The following ABTB3 variants were observed in gnomAD, a reference collection of about 807,000 sequenced individuals.
The protein encoded by ABTB3 is ankyrin repeat- and BTB/POZ domain-containing protein 3.
the ABTB3 span, among the ~76,000 whole-genome samples, chr12:107,380,189 C>G: frequency 6.6e-6 from 1 of 152,168 alleles, no homozygotes; most frequent in Non-Finnish European, 1.5e-5. Flanking sequence ...GAATGGGTGT[C>G]ACTGGCCTGC....
the ABTB3 span, among the ~76,000 whole-genome samples, chr12:107,471,839 A>C: frequency 6.6e-6 from 1 of 152,056 alleles, no homozygotes; most frequent in African/African-American, 2.4e-5. Flanking sequence ...CCTTGCTCTG[A>C]AGCTTTCTAC....
At chr12:107,512,845 A>C in the ABTB3 span, among the ~76,000 whole-genome samples, 1 of 152,220 alleles carries the variant, frequency 6.6e-6, no homozygotes, top group Non-Finnish European at 1.5e-5. Context: ...TGTTTTATAC[A>C]TATTAACTTT....
the ABTB3 span, chr12:107,580,967 G>A: frequency 0.014 from 21,947 of 1,551,674 alleles, 199 homozygotes; most frequent in Admixed American, 0.016. Flanking sequence ...GGTGCGGTCC[G>A]GATGTCTCCA....
the ABTB3 span, among the ~76,000 whole-genome samples, chr12:107,453,143 G>T: frequency 4.6e-5 from 7 of 152,148 alleles, no homozygotes; most frequent in Non-Finnish European, 7.3e-5. Context: ...AGGAACCAAG[G>T]GGAGGCCAGG....
the ABTB3 span, among the ~76,000 whole-genome samples, chr12:107,555,027 C>A: frequency 6.6e-6 from 1 of 152,176 alleles, no homozygotes; most frequent in African/African-American, 2.4e-5. Context: ...CTGCAGTTTG[C>A]TGAAATGAGT....
the ABTB3 span, among the ~76,000 whole-genome samples, chr12:107,424,384 GT>G: frequency 3.3e-5 from 5 of 152,178 alleles, no homozygotes; most frequent in African/African-American, 1.2e-4. Flanking sequence ...CTGCTCTGTG[GT>G]CCATTCAGGC....
the ABTB3 span, among the ~76,000 whole-genome samples, chr12:107,370,167 T>A: frequency 6.6e-6 from 1 of 152,200 alleles, no homozygotes; most frequent in Non-Finnish European, 1.5e-5. Flanking sequence ...CCAAGGTAGG[T>A]ATAAATTGGG....
the ABTB3 span, among the ~76,000 whole-genome samples, chr12:107,538,167 G>A: frequency 4.6e-5 from 7 of 152,142 alleles, no homozygotes; most frequent in South Asian, 2.1e-4. Flanking sequence ...TGGGATCTCC[G>A]GAGGCTGTGC....
the ABTB3 span, among the ~76,000 whole-genome samples, chr12:107,419,331 T>C: frequency 1.3e-5 from 2 of 152,198 alleles, no homozygotes; most frequent in Non-Finnish European, 2.9e-5. Context: ...AGTGGAGCAC[T>C]TAGAATAAGC....
chr12:107,513,245 T>A, the ABTB3 span, among the ~76,000 whole-genome samples: 2 of 152,206 alleles, frequency 1.3e-5, no homozygotes, highest in African/African-American at 4.8e-5. Flanking sequence ...TGCTGATGGT[T>A]CTCTTACTTG....
the ABTB3 span, among the ~76,000 whole-genome samples, chr12:107,509,661 T>C: frequency 6.6e-6 from 1 of 152,180 alleles, no homozygotes; most frequent in Non-Finnish European, 1.5e-5. Context: ...AGCTCATCAC[T>C]GGGGCCGGGA....
At chr12:107,544,818 C>A in the ABTB3 span, among the ~76,000 whole-genome samples, 37 of 152,316 alleles carry the variant, frequency 2.4e-4, 1 homozygote, top group East Asian at 6.6e-3. Flanking sequence ...AGAGAGCAGG[C>A]TCTGTGATCC....
chr12:107,570,752 C>T, the ABTB3 span, among the ~76,000 whole-genome samples: 2 of 152,120 alleles, frequency 1.3e-5, no homozygotes, highest in African/African-American at 4.8e-5. Flanking sequence ...GTTGCAGGCC[C>T]TACCTGTCTG....
At chr12:107,612,746 C>G in the ABTB3 span, 11 of 1,575,962 alleles carry the variant, frequency 7.0e-6, no homozygotes, top group East Asian at 2.3e-5. Flanking sequence ...ACCTTGTAAA[C>G]GTTTTCCGTT....
the ABTB3 span, among the ~76,000 whole-genome samples, chr12:107,502,523 A>C: frequency 6.6e-6 from 1 of 152,156 alleles, no homozygotes; most frequent in African/African-American, 2.4e-5. Flanking sequence ...CGGCCACAGT[A>C]CATAAACATA....
chr12:107,615,078 T>A, the ABTB3 span: 4 of 1,613,758 alleles, frequency 2.5e-6, no homozygotes, highest in Non-Finnish European at 3.4e-6. Flanking sequence ...GTACTCCTCA[T>A]AAATATCCAT....
chr12:107,582,563 C>G, the ABTB3 span, among the ~76,000 whole-genome samples: 1 of 152,214 alleles, frequency 6.6e-6, no homozygotes, highest in Non-Finnish European at 1.5e-5. Context: ...GGCGAGGGAA[C>G]GGTCATTCAC....
At chr12:107,566,389 A>G in the ABTB3 span, among the ~76,000 whole-genome samples, 1 of 152,128 alleles carries the variant, frequency 6.6e-6, no homozygotes, top group Non-Finnish European at 1.5e-5. Flanking sequence ...AATGATGTTT[A>G]TTTATTCATC....
the ABTB3 span, among the ~76,000 whole-genome samples, chr12:107,531,097 G>A: frequency 9.8e-5 from 15 of 152,308 alleles, no homozygotes; most frequent in Non-Finnish European, 1.9e-4. Context: ...TATCTGCAAA[G>A]CATTGTTCCT....
Sources: allele counts gnomAD v4.1 joint callset (sites outside exome capture counted in the v4.1 genomes callset), GRCh38; gene constraint gnomAD v4.1.1; transcripts MANE v1.5; gene names NCBI Gene and HGNC (gene_info 2026-07-23, HGNC 2026-07-21).